The following SMARCA4 variants were observed in gnomAD, a reference collection of about 807,000 sequenced individuals.
The protein encoded by SMARCA4 is SWI/SNF-related matrix-associated actin-dependent regulator of chromatin subfamily A member 4.
In SMARCA4, 31 loss-of-function variants were observed where a neutral mutation model predicts 193.9. That is an observed-to-expected ratio of 0.16 (90% CI 0.12 to 0.22). The LOEUF is 0.22. Ranked by LOEUF, SMARCA4 falls within the 10% of genes least tolerant of loss-of-function variation. The pLI is 1.00. For synonymous variants in SMARCA4, 942 were observed against 933.1 expected (o/e 1.01, Z -0.17); for missense variants, 1,148 against 2,296.0 (o/e 0.50, Z 10.22).
At chr19:10,990,618 G>A (rs756586028) in intron 7 of SMARCA4, among the ~76,000 whole-genome samples, 1 of 152,032 alleles carries the variant, frequency 6.6e-6, no homozygotes, top group African/African-American at 2.4e-5. Flanking sequence ...TCGCCATGTC[G>A]CCCAGGCTAG....
chr19:11,010,454 G>A lies in SMARCA4; in HGVS notation c.2197G>A (p.Ala733Thr), dbSNP rs2088716803. The A allele has an allele frequency of 6.2e-7, 1 of 1,614,002 alleles. No homozygotes were observed. Among genetic ancestry groups the A allele is most frequent in the South Asian group, 1.1e-5 (1 of 91,086 alleles). ...ALARGLQSYYAVAHAVTERVD... is the reference protein window; with the variant it reads ...ALARGLQSYYTVAHAVTERVD... The stretch of plus-strand genomic sequence containing the variant: ...TGCACGTGGCCTGCAGTCCTACTAT[G>A]CCGTGGCCCATGCTGTCACTGAGAG... The change falls in exon 15 of 35, where the codon GCC (alanine) becomes ACC (threonine). Residue 733 changes from alanine (A) to threonine (T), a missense_variant. Ala to Thr is a moderately conservative substitution (Grantham distance 58). Coordinates refer to ENST00000344626, the MANE Select transcript of SMARCA4 (RefSeq NM_003072.5).
At chr19:10,995,939 T>G in intron 9 of SMARCA4, 1 of 514,826 alleles carries the variant, frequency 1.9e-6, no homozygotes. Context: ...TTGGGGTGTA[T>G]TTCGTGGACA....
rs772765050 is a variant in SMARCA4, at chr19:11,023,595, A to G, written c.2937A>G (p.Arg979=). The G allele has an allele frequency of 6.2e-7, 1 of 1,612,354 alleles. No individual in the cohort carries two copies. Among genetic ancestry groups the G allele is most frequent in the Non-Finnish European group, 8.5e-7 (1 of 1,179,120 alleles). Residue 979 remains arginine, a synonymous_variant, in exon 20 of 35, where the codon CGA becomes CGG. Transcript: ENST00000344626. ...TGCTGCGGCCCTTCTTGCTCCGACG[A>G]CTCAAGAAGGAAGTCGAGGCCCAGT... The part of the protein sequence containing the change: ...HKVLRPFLLR[R]LKKEVEAQLP...
At chr19:11,002,891 G>A (rs1295776935) in intron 11 of SMARCA4, 138 bp from the exon 12 acceptor site, 10 of 824,698 alleles carry the variant, frequency 1.2e-5, no homozygotes, top group East Asian at 2.6e-5. Flanking sequence ...TACAGTTTAC[G>A]CATTTTCCCA....
In SMARCA4 at chr19:11,058,731, C is replaced by T. The variant is rs966846670; in HGVS notation, c.4534-57C>T. 4.8e-6 allele frequency: 7 copies of T among 1,461,414 alleles called. No homozygotes were observed. The African/African-American group carries it at 7.0e-5, about 15-fold the overall frequency. The allele number at this position is 1,461,414 out of a possible 1,614,324, so 90.5% of individuals were successfully genotyped here. A position where few individuals can be genotyped will look rare whatever the true frequency, so the allele number is the denominator to read the frequency against. On this transcript the variant is annotated intron_variant, in intron 31 of 34. Coordinates refer to ENST00000344626, the MANE Select transcript of SMARCA4 (RefSeq NM_003072.5). The surrounding 1 kb of genome is among the most constrained non-coding windows in gnomAD (Gnocchi z 5.8). Reference sequence around the variant, plus strand: ...TGGGGTCTCCAGCACACAGCCAGGCCTGCGGGCAGGCGAGGCGGGGTCCTG... The same window carrying T: ...TGGGGTCTCCAGCACACAGCCAGGCTTGCGGGCAGGCGAGGCGGGGTCCTG...
chr19:11,058,833 A>T lies in SMARCA4; in HGVS notation c.4579A>T (p.Lys1527Ter), dbSNP rs2147097839. The T allele has an allele frequency of 1.2e-6, 2 of 1,614,070 alleles. No individual in the cohort carries two copies. The highest frequency in any genetic ancestry group is 8.5e-7 in the Non-Finnish European group (1 of 1,179,996). The change falls in exon 32 of 35, where the codon AAG (lysine) becomes TAG (stop). Residue 1527 changes from lysine (K) to a stop codon, truncating the protein, a stop_gained. Coordinates refer to ENST00000344626, the MANE Select transcript of SMARCA4 (RefSeq NM_003072.5). LOFTEE classifies it high-confidence loss of function. This position sits in a 1 kb window ranked among gnomAD's most constrained non-coding sequence, Gnocchi z 5.8. ...GTACCGCAGCCTCAACGACCTAGAG[A>T]AGGACGTCATGCTCCTGTGCCAGAA... Reference protein sequence around the residue: ...HKYRSLNDLEKDVMLLCQNAQ... With the variant: ...HKYRSLNDLE
rs977055443 is a variant in SMARCA4 at position 11,019,496 on chromosome 19, G to A, written c.2506-95G>A. On this transcript the variant is annotated intron_variant, in intron 17 of 34. Transcript: ENST00000344626. This position sits in a 1 kb window ranked among gnomAD's most constrained non-coding sequence, Gnocchi z 6.1. ...CCCTGTGAGGACGAGCCCTCCCGCC[G>A]TGTCACTGGGCAGTTGCAGGGGGTG... 67 of 767,356 alleles carry A rather than the reference G, an allele frequency of 8.7e-5. No homozygotes were observed. The highest frequency in any genetic ancestry group is 4.7e-4 in the Middle Eastern group (2 of 4,282). The allele number at this position is 767,356 out of a possible 1,614,324, so 47.5% of individuals were successfully genotyped here.
At chr19:11,004,919 A>C (rs2088043581) in intron 13 of SMARCA4, among the ~76,000 whole-genome samples, 1 of 151,558 alleles carries the variant, frequency 6.6e-6, no homozygotes, top group Admixed American at 6.6e-5. Flanking sequence ...GGCTCACTGC[A>C]ATCTCTGCCT....
chr19:10,978,816 G>A (rs1320693955), intron 1 of SMARCA4, among the ~76,000 whole-genome samples: 2 of 151,720 alleles, frequency 1.3e-5, no homozygotes, highest in African/African-American at 4.8e-5. Context: ...AGGTATAGTG[G>A]TGCGTGCCTG....
At chr19:10,994,770 G>A (rs777082827) in intron 8 of SMARCA4, 58 bp from the exon 9 acceptor site, 20 of 1,474,756 alleles carry the variant, frequency 1.4e-5, no homozygotes, top group Non-Finnish European at 1.8e-5. Context: ...AGCCTTGCGG[G>A]GAGATGTGTC....
intron 16 of SMARCA4, 136 bp from the exon 17 acceptor site, chr19:11,018,821 C>G (rs776346893): frequency 9.4e-5 from 75 of 800,278 alleles, no homozygotes; most frequent in Non-Finnish European, 1.1e-4. Flanking sequence ...CTCAGCTGCC[C>G]TAAACACAGT....
At position 11,003,105 on chromosome 19, in the gene SMARCA4, G is replaced by A. The variant is rs749533909; in HGVS notation, c.1889G>A (p.Gly630Asp). The change falls in exon 12 of 35, where the codon GGC becomes GAC. Residue 630 changes from glycine (G) to aspartate (D), a missense_variant. This residue lies in a region of SMARCA4 where 115 missense variants were observed against 175.1 expected (regional missense o/e 0.66). Coordinates refer to ENST00000344626, the MANE Select transcript of SMARCA4 (RefSeq NM_003072.5). ...GTGGAGAGTGGGAAGATCCTCACAG[G>A]CACAGATGCCCCCAAAGCCGGGCAG... Reference protein sequence around the residue: ...IHVESGKILTGTDAPKAGQLE... With the variant: ...IHVESGKILTDTDAPKAGQLE... 1.9e-5 allele frequency: 31 copies of A among 1,613,978 alleles called. No homozygotes were observed. The highest frequency in any genetic ancestry group is 2.6e-5 in the Non-Finnish European group (31 of 1,180,014).
At chr19:10,967,105 G>A (rs371107486) in intron 1 of SMARCA4, among the ~76,000 whole-genome samples, 3 of 152,196 alleles carry the variant, frequency 2.0e-5, no homozygotes, top group East Asian at 1.9e-4. Context: ...GCATCCTAAG[G>A]ACATTAATCA....
chr19:11,003,441 G>A (rs764114859), intron 13 of SMARCA4, 44 bp downstream of exon 13: 2 of 1,532,166 alleles, frequency 1.3e-6, no homozygotes, highest in Non-Finnish European at 1.8e-6. Context: ...AGTGCCCACT[G>A]GCAGTGACTT....
At chr19:10,992,176 A>G (rs931259223) in intron 8 of SMARCA4, among the ~76,000 whole-genome samples, 4 of 151,178 alleles carry the variant, frequency 2.6e-5, no homozygotes, top group African/African-American at 9.7e-5. Context: ...CAGTGGTGCA[A>G]TCTCGGCTCA....
At chr19:11,015,404 A>G (rs2089263432) in intron 16 of SMARCA4, among the ~76,000 whole-genome samples, 1 of 151,872 alleles carries the variant, frequency 6.6e-6, no homozygotes, top group African/African-American at 2.4e-5. Context: ...TCCTGATCGG[A>G]CCTTTGGTAG....
At chr19:10,993,937 C>A (rs2145921263) in intron 8 of SMARCA4, among the ~76,000 whole-genome samples, 1 of 152,282 alleles carries the variant, frequency 6.6e-6, no homozygotes, top group Admixed American at 6.5e-5. Flanking sequence ...CCACCGCGCC[C>A]TGCCGCCAGT....
At chr19:10,975,965 C>T (rs993778977) in intron 1 of SMARCA4, among the ~76,000 whole-genome samples, 3 of 152,118 alleles carry the variant, frequency 2.0e-5, no homozygotes, top group Non-Finnish European at 4.4e-5. Flanking sequence ...CCCTTTTGGC[C>T]CCTGAATCCC....
intron 30 of SMARCA4, among the ~76,000 whole-genome samples, chr19:11,051,009 T>G (rs1269317034): frequency 6.6e-6 from 1 of 152,222 alleles, no homozygotes; most frequent in Non-Finnish European, 1.5e-5. Flanking sequence ...ATAGGCTGGG[T>G]GCAGGGCACT....
Sources: allele counts gnomAD v4.1 joint callset (sites outside exome capture counted in the v4.1 genomes callset), GRCh38; gene constraint gnomAD v4.1.1; regional missense constraint gnomAD v4.1.1; non-coding constraint Gnocchi (gnomAD v3.1); transcripts MANE v1.5; gene names NCBI Gene and HGNC (gene_info 2026-07-23, HGNC 2026-07-21).